Variants in PTPRC observed in about 807,000 individuals in gnomAD.
The protein encoded by PTPRC is protein tyrosine phosphatase receptor type C.
A neutral mutation model predicts 155.9 loss-of-function variants in PTPRC; 44 were observed. The observed-to-expected ratio is 0.28, with a 90% CI of 0.22 to 0.36. The LOEUF is 0.36. Among genes scored for constraint, PTPRC ranks in the 10% least tolerant of loss-of-function variants. PTPRC has a pLI of 1.00. For missense variants in PTPRC, 1,401 were observed against 1,564.6 expected, an observed-to-expected ratio of 0.90 and a Z score of 1.76; for synonymous variants, 525 against 533.1, an observed-to-expected ratio of 0.98 and a Z score of 0.21.
chr1:198,704,591 A>G, intron 8 of PTPRC, 93 bp downstream of exon 8: 1 of 1,608,232 alleles, frequency 6.2e-7, no homozygotes, highest in African/African-American at 1.3e-5. Context: ...ACCCACTAGT[A>G]AGCTAAACTC....
rs1008517167 is a variant in PTPRC at position 198,752,790 on chromosome 1, G to C, written c.3509+18G>C. 12 of 1,608,632 alleles carry C rather than the reference G, an allele frequency of 7.5e-6. No homozygotes were observed. In the African/African-American group the frequency reaches 1.6e-4, roughly 22 times the overall value. On this transcript the variant is annotated intron_variant, in intron 31 of 32. Transcript: ENST00000442510. Reference sequence around the variant, plus strand: ...CACTGCAGGTGCGTGGGATTTGGTAGAATGTGCTCTCAAAATCATAATGCT... The same window carrying C: ...CACTGCAGGTGCGTGGGATTTGGTACAATGTGCTCTCAAAATCATAATGCT...
chr1:198,687,177 G>C (rs550037553), intron 2 of PTPRC, among the ~76,000 whole-genome samples: 8 of 152,248 alleles, frequency 5.3e-5, no homozygotes, highest in African/African-American at 1.9e-4. Flanking sequence ...ATTTTAAGTA[G>C]AGACGAGGTT....
intron 2 of PTPRC, chr1:198,679,212 G>A: frequency 5.2e-6 from 1 of 191,880 alleles, no homozygotes; most frequent in South Asian, 1.2e-4. Flanking sequence ...TGGCCACTGG[G>A]GCCACGAGCA....
chr1:198,700,400 C>T (rs775841247), intron 5 of PTPRC, among the ~76,000 whole-genome samples: 7 of 152,162 alleles, frequency 4.6e-5, no homozygotes, highest in African/African-American at 7.2e-5. Flanking sequence ...AATGGTAGAC[C>T]TATGTAGCTG....
chr1:198,727,187 TC>T (rs967518080), intron 15 of PTPRC, among the ~76,000 whole-genome samples: 11 of 152,198 alleles, frequency 7.2e-5, no homozygotes, highest in African/African-American at 2.2e-4. Context: ...AGTGTCTGTT[TC>T]CCCCAAAGAG....
chr1:198,756,394 T>TCTTA lies in PTPRC; in HGVS notation c.*214_*217dup. 1.6e-6 allele frequency: 1 copy of TCTTA among 630,056 alleles called. No homozygotes were observed. The highest frequency in any genetic ancestry group is 2.0e-5 in the South Asian group (1 of 49,716). 39.0% of individuals were successfully genotyped at this position (630,056 alleles called of 1,614,324 possible). On this transcript the variant is annotated 3_prime_UTR_variant, in exon 33 of 33. Transcript: ENST00000442510. The stretch of plus-strand genomic sequence containing the variant: ...CGTATGCTTATTTTAAAATTTTATC[T>TCTTA]CTTATTCAGTAAAAAACAACTTCTT...
intron 15 of PTPRC, among the ~76,000 whole-genome samples, chr1:198,724,636 A>G (rs1252287119): frequency 2.0e-5 from 3 of 150,742 alleles, no homozygotes; most frequent in African/African-American, 7.3e-5. Flanking sequence ...TTTCTGTCTT[A>G]TTTTCCTGAA....
intron 2 of PTPRC, among the ~76,000 whole-genome samples, chr1:198,667,295 T>C (rs1664374063): frequency 6.6e-6 from 1 of 152,238 alleles, no homozygotes; most frequent in South Asian, 2.1e-4. Flanking sequence ...ATTCTTGTTT[T>C]CCAGCCTCTA....
intron 2 of PTPRC, among the ~76,000 whole-genome samples, chr1:198,658,892 T>C (rs570632378): frequency 6.6e-6 from 1 of 152,188 alleles, no homozygotes; most frequent in South Asian, 2.1e-4. Flanking sequence ...GAAAGAGTGC[T>C]TTCATCAAAT....
At chr1:198,682,081 G>C (rs929499465) in intron 2 of PTPRC, among the ~76,000 whole-genome samples, 3 of 152,234 alleles carry the variant, frequency 2.0e-5, no homozygotes, top group African/African-American at 7.2e-5. Context: ...GAAACCACAA[G>C]AGCAGTAAAG....
intron 2 of PTPRC, among the ~76,000 whole-genome samples, chr1:198,653,607 C>A (rs1663378812): frequency 6.6e-6 from 1 of 151,856 alleles, no homozygotes; most frequent in African/African-American, 2.4e-5. Context: ...AAAAAATAAT[C>A]CTTGCCATCC....
At position 198,735,205 on chromosome 1, in the gene PTPRC, C is replaced by G. The variant is rs747550206; in HGVS notation, c.2356C>G (p.His786Asp). The part of the protein sequence containing the change: ...FGDVVVKINQ[H>D]KRCPDYIIQK... Reference sequence around the variant, plus strand: ...AGATGTTGTTGTAAAGATCAACCAGCACAAAAGATGTCCAGATTACATCAT... The same window carrying G: ...AGATGTTGTTGTAAAGATCAACCAGGACAAAAGATGTCCAGATTACATCAT... The change falls in exon 23 of 33, where the codon CAC (histidine) becomes GAC (aspartate). Residue 786 changes from histidine to aspartate, a missense_variant. His to Asp is a moderately conservative substitution (Grantham distance 81). Around this residue, in one of 3 missense-constraint regions of PTPRC, gnomAD observed 867 missense variants for 970.4 expected, o/e 0.89. Transcript: ENST00000442510. 6.2e-7 allele frequency: 1 copy of G among 1,604,162 alleles called. No homozygotes were observed. The highest frequency in any genetic ancestry group is 1.7e-5 in the Admixed American group (1 of 59,602).
At chr1:198,692,266 C>T in intron 2 of PTPRC, 81 bp from the exon 3 acceptor site, 1 of 1,019,334 alleles carries the variant, frequency 9.8e-7, no homozygotes, top group Non-Finnish European at 1.4e-6. Context: ...ACTTGAGGTA[C>T]ATATAAAAAT....
chr1:198,717,418 G>A (rs867075848), intron 13 of PTPRC, among the ~76,000 whole-genome samples: 1 of 152,072 alleles, frequency 6.6e-6, no homozygotes, highest in Admixed American at 6.5e-5. Flanking sequence ...CTGCTTCTGG[G>A]GCACATGTTA....
chr1:198,643,184 G>T (rs778117551), intron 2 of PTPRC, among the ~76,000 whole-genome samples: 3 of 151,322 alleles, frequency 2.0e-5, no homozygotes, highest in Non-Finnish European at 2.9e-5. Context: ...ATTTCAATCT[G>T]CTCTTTTTTG....
intron 3 of PTPRC, chr1:198,692,843 T>A (rs1175819030): frequency 1.1e-6 from 1 of 899,638 alleles, no homozygotes; most frequent in Non-Finnish European, 1.3e-6. Context: ...TATTGAGATA[T>A]TTTTAAATAA....
chr1:198,678,909 GA>G (rs1166246619), intron 2 of PTPRC, among the ~76,000 whole-genome samples: 1 of 151,978 alleles, frequency 6.6e-6, no homozygotes, highest in Non-Finnish European at 1.5e-5. Flanking sequence ...GAATATTCCT[GA>G]AAATAGAGTT....
chr1:198,665,300 C>T (rs1157260484), intron 2 of PTPRC, among the ~76,000 whole-genome samples: 2 of 150,140 alleles, frequency 1.3e-5, no homozygotes, highest in Non-Finnish European at 3.0e-5. Context: ...GACGGGGTTT[C>T]ACCGCCCTGC....
chr1:198,663,856 T>C (rs1049367184), intron 2 of PTPRC, among the ~76,000 whole-genome samples: 1 of 152,168 alleles, frequency 6.6e-6, no homozygotes, highest in Non-Finnish European at 1.5e-5. Context: ...ATTATTTTCA[T>C]TGTTATGCTA....
Sources: allele counts gnomAD v4.1 joint callset (sites outside exome capture counted in the v4.1 genomes callset), GRCh38; gene constraint gnomAD v4.1.1; regional missense constraint gnomAD v4.1.1; transcripts MANE v1.5; gene names NCBI Gene and HGNC (gene_info 2026-07-23, HGNC 2026-07-21).